RBM12: variants seen among roughly 807,000 people sequenced by gnomAD.
RBM12 encodes RNA-binding protein 12.
Under a neutral mutation model 37.2 loss-of-function variants are expected in RBM12, and 24 were observed. The ratio of observed to expected loss-of-function variants is 0.65; its 90% CI spans 0.47 to 0.91. RBM12 has a LOEUF of 0.91. RBM12 is among the 40% of genes least tolerant of loss of function. The probability of loss-of-function intolerance (pLI) is 0.00; values close to 1 mark genes in which losing one functional copy is unlikely to be tolerated. For missense variants in RBM12, 1,061 were observed against 1,183.2 expected, an observed-to-expected ratio of 0.90 and a Z score of 1.52; for synonymous variants, 420 against 425.2, an observed-to-expected ratio of 0.99 and a Z score of 0.15.
In RBM12 at chr20:35,654,456, G is replaced by A. The variant is rs757734233; in HGVS notation, c.867C>T (p.Asn289=). ...GGAGTGGCTTCACACTGCTCTGAGA[G>A]TTCATCTGGATAGGGTTAACAGGAT... ...PLNPVNPIQM[N]SQSSVKPLPI... The change falls in exon 3 of 3, where the codon AAC becomes AAT. Residue 289 remains asparagine, a synonymous_variant. Transcript: ENST00000374114. 4 of 1,614,210 alleles carry A rather than the reference G, an allele frequency of 2.5e-6. No homozygotes were observed. Among genetic ancestry groups the A allele is most frequent in the East Asian group, 4.5e-5 (2 of 44,882 alleles).
chr20:35,654,102 T>C lies in RBM12; in HGVS notation c.1221A>G (p.Thr407=). Residue 407 remains threonine, a synonymous_variant, in exon 3 of 3, where the codon ACA becomes ACG. Transcript: ENST00000374114. ...PSGQTHPPPQ[T]LPRSKSPSGQ... ...CACTGGGCGATTTTGACCTGGGAAG[T>C]GTCTGAGGAGGGGGATGAGTTTGTC... The C allele has an allele frequency of 6.2e-7, 1 of 1,614,212 alleles. No individual in the cohort carries two copies. The highest frequency in any genetic ancestry group is 1.1e-5 in the South Asian group (1 of 91,088).
Position 35,657,244 on chromosome 20 carries a change from AC to A in RBM12, c.-23+1685del, listed in dbSNP as rs1298124124. ...CAACAAGAAAAATTAACGCTAAAAA[AC>A]ATCACACCAACAGTCTCTTTTCTCA... is the stretch of plus-strand genomic sequence containing the variant. On this transcript the variant is annotated intron_variant, in intron 2 of 2. Transcript: ENST00000374114. Among the ~76,000 whole-genome samples, 4 of 152,230 alleles carry A rather than the reference AC, an allele frequency of 2.6e-5. No individual in the cohort carries two copies. The South Asian group carries it at 6.2e-4, about 24-fold the overall frequency.
At position 35,654,979 on chromosome 20, in the gene RBM12, C is replaced by T; in HGVS notation, c.344G>A (p.Ser115Asn). 7 of 1,614,156 alleles carry T rather than the reference C, an allele frequency of 4.3e-6. No individual in the cohort carries two copies. Among genetic ancestry groups the T allele is most frequent in the Non-Finnish European group, 5.9e-6 (7 of 1,180,018 alleles). The change falls in exon 3 of 3, where the codon AGC (serine) becomes AAC (asparagine). Residue 115 changes from serine to asparagine, a missense_variant. Ser to Asn is a conservative substitution (Grantham distance 46, BLOSUM62 1). Transcript: ENST00000374114. ...SGPPPSSGMSSRVNLPTTVSN... is the reference protein window; with the variant it reads ...SGPPPSSGMSNRVNLPTTVSN... ...TACTGTTGTGGGCAAGTTTACCCTGCTACTCATTCCTGAGCTAGGTGGTGG... is the reference window on the plus strand; with the variant it reads ...TACTGTTGTGGGCAAGTTTACCCTGTTACTCATTCCTGAGCTAGGTGGTGG...
Position 35,652,496 on chromosome 20 carries a change from T to C in RBM12, c.*28A>G, listed in dbSNP as rs1435147393. 6.3e-7 allele frequency: 1 copy of C among 1,589,504 alleles called. No homozygotes were observed. The highest frequency in any genetic ancestry group is 8.6e-7 in the Non-Finnish European group (1 of 1,167,946). On this transcript the variant is annotated 3_prime_UTR_variant, in exon 3 of 3. Coordinates refer to ENST00000374114, the MANE Select transcript of RBM12 (RefSeq NM_006047.6). The stretch of plus-strand genomic sequence containing the variant: ...TGCATTAATCACAGCAATATGAAGA[T>C]CTACCCTATAAAAAATGATGTGAAT...
chr20:35,664,336 C>G (rs2034413550), intron 1 of RBM12: 1 of 152,330 alleles, frequency 6.6e-6, no homozygotes, highest in Non-Finnish European at 1.5e-5. Flanking sequence ...GAAGGAGTGT[C>G]CTCACTACGA....
At chr20:35,658,122 G>C (rs1177647201) in intron 2 of RBM12, among the ~76,000 whole-genome samples, 1 of 152,034 alleles carries the variant, frequency 6.6e-6, no homozygotes, top group Non-Finnish European at 1.5e-5. Flanking sequence ...CTGTTACTAA[G>C]TAACTGTTTG....
At chr20:35,655,910 TTAAA>T (rs1307128856) in intron 2 of RBM12, among the ~76,000 whole-genome samples, 1 of 152,214 alleles carries the variant, frequency 6.6e-6, no homozygotes, top group African/African-American at 2.4e-5. Flanking sequence ...GATTCAAGTC[TTAAA>T]TGAGAACTGG....
Position 35,654,739 on chromosome 20 carries a change from G to A in RBM12, c.584C>T (p.Ala195Val), listed in dbSNP as rs190078208. 12 of 1,613,202 alleles carry A rather than the reference G, an allele frequency of 7.4e-6. No individual in the cohort carries two copies. The highest frequency in any genetic ancestry group is 1.6e-4 in the Middle Eastern group (1 of 6,062). Residue 195 changes from alanine to valine, a missense_variant, in exon 3 of 3, where the codon GCG (alanine) becomes GTG (valine). Transcript: ENST00000374114. ...VPPPPIPPIP[A>V]MPSLPPMPSI... ...TGGCATTGGTGGCAGAGATGGCATC[G>A]CTGGAATTGGAGGAATTGGTGGCGG...
In RBM12 at chr20:35,649,486, A is replaced by C. The variant is rs1308651537; in HGVS notation, c.*3038T>G. The stretch of plus-strand genomic sequence containing the variant: ...ATATTACTACCTGAAATTTTAAATA[A>C]AGTTTCCTAATCGAATTTTCATTGT... On this transcript the variant is annotated 3_prime_UTR_variant, in exon 3 of 3. Coordinates refer to ENST00000374114, the MANE Select transcript of RBM12 (RefSeq NM_006047.6). 6.6e-6 allele frequency: 1 copy of C among 152,636 alleles called. No individual in the cohort carries two copies. Among genetic ancestry groups the C allele is most frequent in the Non-Finnish European group, 1.5e-5 (1 of 68,030 alleles). The allele number at this position is 152,636 out of a possible 1,614,324, so 9.5% of individuals were successfully genotyped here.
chr20:35,654,487 G>GGACCAA lies in RBM12; in HGVS notation c.830_835dup (p.Leu277_Gly278dup). 6.2e-7 allele frequency: 1 copy of GGACCAA among 1,614,172 alleles called. No individual in the cohort carries two copies. The highest frequency in any genetic ancestry group is 8.5e-7 in the Non-Finnish European group (1 of 1,180,028). Reference sequence around the variant, plus strand: ...CTGGATAGGGTTAACAGGATTCAACGGACCAAGAAACATAGGATTCAGATT... The same window carrying GGACCAA: ...CTGGATAGGGTTAACAGGATTCAACGGACCAAGACCAAGAAACATAGGATTCAGATT... On this transcript the variant is annotated inframe_insertion, in exon 3 of 3. Coordinates refer to ENST00000374114, the MANE Select transcript of RBM12 (RefSeq NM_006047.6).
Position 35,652,571 on chromosome 20 carries a change from T to C in RBM12, c.2752A>G (p.Asn918Asp). The change falls in exon 3 of 3, where the codon AAT (asparagine) becomes GAT (aspartate). Residue 918 changes from asparagine (N) to aspartate (D), a missense_variant. By Grantham distance (23) the Asn-to-Asp change is conservative (BLOSUM62 1). Coordinates refer to ENST00000374114, the MANE Select transcript of RBM12 (RefSeq NM_006047.6). The part of the protein sequence containing the change: ...DEATAAVIDL[N>D]DRPIGSRKVK... ...TTTCTTGAACCTATAGGCCTGTCAT[T>C]TAAGTCAATGACAGCAGCTGTGGCT... 2 of 1,614,150 alleles carry C rather than the reference T, an allele frequency of 1.2e-6. No homozygotes were observed. Among genetic ancestry groups the C allele is most frequent in the East Asian group, 4.5e-5 (2 of 44,878 alleles).
chr20:35,653,242 C>G lies in RBM12; in HGVS notation c.2081G>C (p.Ser694Thr). The G allele has an allele frequency of 2.5e-6, 4 of 1,613,628 alleles. No homozygotes were observed. Among genetic ancestry groups the G allele is most frequent in the Non-Finnish European group, 3.4e-6 (4 of 1,179,916 alleles). The change falls in exon 3 of 3, where the codon AGT (serine) becomes ACT (threonine). Residue 694 changes from serine (S) to threonine (T), a missense_variant. Physicochemically the swap from Ser to Thr is moderately conservative, Grantham distance 58. Coordinates refer to ENST00000374114, the MANE Select transcript of RBM12 (RefSeq NM_006047.6). Reference protein sequence around the residue: ...SAGLPGAGMPSAGIPSAGGEE... With the variant: ...SAGLPGAGMPTAGIPSAGGEE... ...ACCTCCTGCACTAGGTATTCCTGCACTGGGCATTCCCGCACCAGGCAGTCC... is the reference window on the plus strand; with the variant it reads ...ACCTCCTGCACTAGGTATTCCTGCAGTGGGCATTCCCGCACCAGGCAGTCC...
chr20:35,664,385 C>A (rs1475736234), intron 1 of RBM12: 1 of 152,258 alleles, frequency 6.6e-6, no homozygotes, highest in East Asian at 1.9e-4. Flanking sequence ...GTAGTTATAA[C>A]CTCTGCTTCA....
rs2033711376 is a variant in RBM12 at position 35,653,789 on chromosome 20, C to G, written c.1534G>C (p.Glu512Gln). Residue 512 changes from glutamate to glutamine, a missense_variant, in exon 3 of 3, where the codon GAA becomes CAA. Physicochemically the swap from Glu to Gln is conservative, Grantham distance 29. Coordinates refer to ENST00000374114, the MANE Select transcript of RBM12 (RefSeq NM_006047.6). ...VHPITKKGML[E>Q]KIDMIRKRLQ... ...CTTTTTCGAATCATATCTATCTTTTCTAGCATACCTTTCTTAGTAATTGGA... is the reference window on the plus strand; with the variant it reads ...CTTTTTCGAATCATATCTATCTTTTGTAGCATACCTTTCTTAGTAATTGGA... 6.2e-7 allele frequency: 1 copy of G among 1,613,872 alleles called. No homozygotes were observed. The highest frequency in any genetic ancestry group is 1.3e-5 in the African/African-American group (1 of 74,936).
Position 35,649,106 on chromosome 20 carries a change from G to A in RBM12, c.*3418C>T, listed in dbSNP as rs2146330817. Reference sequence around the variant, plus strand: ...TTGTTGTGTTTGGTTTCTAAAGTCTGGACTACTATAGAACTGCCAGTAAAA... The same window carrying A: ...TTGTTGTGTTTGGTTTCTAAAGTCTAGACTACTATAGAACTGCCAGTAAAA... On this transcript the variant is annotated 3_prime_UTR_variant, in exon 3 of 3. Coordinates refer to ENST00000374114, the MANE Select transcript of RBM12 (RefSeq NM_006047.6). The A allele has an allele frequency of 6.6e-6, 1 of 152,652 alleles. No individual in the cohort carries two copies. Among genetic ancestry groups the A allele is most frequent in the East Asian group, 1.9e-4 (1 of 5,188 alleles). 9.5% of individuals were successfully genotyped at this position (152,652 alleles called of 1,614,324 possible).
intron 2 of RBM12, among the ~76,000 whole-genome samples, 154 bp from the exon 3 acceptor site, chr20:35,655,498 C>T (rs1329879833): frequency 1.3e-5 from 2 of 152,174 alleles, no homozygotes; most frequent in Non-Finnish European, 2.9e-5. Flanking sequence ...AAAAACTGAA[C>T]ATTACGTGCC....
At chr20:35,659,136 ATC>A in intron 1 of RBM12, 122 bp from the exon 2 acceptor site, 3 of 374,098 alleles carry the variant, frequency 8.0e-6, no homozygotes, top group Non-Finnish European at 4.7e-6. Context: ...TAGAATGCAT[ATC>A]AAAAAAAAAA....
Position 35,655,328 on chromosome 20 carries a change from G to A in RBM12, c.-6C>T, listed in dbSNP as rs1173143671. On this transcript the variant is annotated 5_prime_UTR_variant, in exon 3 of 3. Transcript: ENST00000374114. ...AAACGGATGACCACAGCCATGCTGC[G>A]CTGAAACCACACACACCTGCAGATG... 2 of 1,601,582 alleles carry A rather than the reference G, an allele frequency of 1.2e-6. No homozygotes were observed. The highest frequency in any genetic ancestry group is 1.7e-6 in the Non-Finnish European group (2 of 1,178,136).
intron 1 of RBM12, among the ~76,000 whole-genome samples, chr20:35,662,224 TAA>T (rs537144140): frequency 3.8e-4 from 58 of 152,322 alleles, no homozygotes; most frequent in African/African-American, 1.3e-3. Context: ...TCAAAAATAT[TAA>T]GTTATGTTTC....
Sources: gnomAD v4.1 joint callset for allele counts (sites outside exome capture counted in the v4.1 genomes callset) on GRCh38, gnomAD v4.1.1 for gene constraint, MANE v1.5 for transcripts, NCBI Gene and HGNC (gene_info 2026-07-23, HGNC 2026-07-21) for gene names.